The following ZKSCAN1 variants were observed in gnomAD, a reference collection of about 807,000 sequenced individuals.
ZKSCAN1 encodes zinc finger with KRAB and SCAN domains 1, also known as zinc finger protein with KRAB and SCAN domains 1.
Under a neutral mutation model 51.6 loss-of-function variants are expected in ZKSCAN1, and 14 were observed. The ratio of observed to expected loss-of-function variants is 0.27; its 90% confidence interval spans 0.18 to 0.42. The LOEUF is 0.42. Ranked by LOEUF, ZKSCAN1 falls within the 10% of genes least tolerant of loss-of-function variation. ZKSCAN1 has a pLI of 1.00. For missense variants in ZKSCAN1, 531 were observed against 710.0 expected (o/e 0.75, Z 2.86); for synonymous variants, 263 against 261.5 (o/e 1.01, Z -0.06).
intron 1 of ZKSCAN1, 52 bp from the exon 2 acceptor site, chr7:100,023,367 C>A: frequency 1.0e-6 from 1 of 956,580 alleles, no homozygotes; most frequent in Non-Finnish European, 1.5e-6. Flanking sequence ...GTTAGCAGCA[C>A]AGATCACTTT....
downstream of ZKSCAN1, among the ~76,000 whole-genome samples, chr7:100,043,282 G>C (rs928027689): frequency 1.0e-4 from 15 of 148,484 alleles, no homozygotes; most frequent in African/African-American, 3.8e-4. Context: ...GCCCAGGCTG[G>C]TCTCGAACTC....
chr7:100,023,996 A>T, intron 2 of ZKSCAN1, 64 bp downstream of exon 2: 1 of 1,524,246 alleles, frequency 6.6e-7, no homozygotes, highest in East Asian at 2.3e-5. Flanking sequence ...GAGCCAGGAG[A>T]AGTATTGGCA....
Position 100,034,403 on chromosome 7 carries a change from A to G in ZKSCAN1, c.*206A>G. On this transcript the variant is annotated 3_prime_UTR_variant, in exon 6 of 6. Coordinates refer to ENST00000324306, the MANE Select transcript of ZKSCAN1 (RefSeq NM_003439.4). ...CCTTCCACACAGCCCCTGCAGGGAA[A>G]GGCTAATCTTACGGATAATCCACGT... is the stretch of plus-strand genomic sequence containing the variant. The G allele has an allele frequency of 7.6e-7, 1 of 1,308,736 alleles. No individual in the cohort carries two copies. The highest frequency in any genetic ancestry group is 9.7e-7 in the Non-Finnish European group (1 of 1,034,542). 81.1% of individuals were successfully genotyped at this position (1,308,736 alleles called of 1,614,324 possible). A position where few individuals can be genotyped will look rare whatever the true frequency, so the allele number is the denominator to read the frequency against.
In ZKSCAN1 at chr7:100,040,871, ATCGCAGGGGT is replaced by A; in HGVS notation, c.*6677_*6686del. On this transcript the variant is annotated 3_prime_UTR_variant, in exon 6 of 6. Transcript: ENST00000324306. ...TGTTAGATTAGAGATGCTTCTGCTG[ATCGCAGGGGT>A]TCTTATTTGAAAACATCTATGATGG... 1.0e-6 allele frequency: 1 copy of A among 985,304 alleles called. No individual in the cohort carries two copies. The highest frequency in any genetic ancestry group is 1.2e-6 in the Non-Finnish European group (1 of 829,914). The allele number at this position is 985,304 out of a possible 1,614,324, so 61.0% of individuals were successfully genotyped here.
intron 3 of ZKSCAN1, among the ~76,000 whole-genome samples, chr7:100,026,686 C>T (rs1790850957): frequency 6.6e-6 from 1 of 151,556 alleles, no homozygotes; most frequent in Admixed American, 6.6e-5. Flanking sequence ...GATTGCACCA[C>T]TGCACTCCAG....
chr7:100,020,044 G>A (rs1264724348), intron 1 of ZKSCAN1, among the ~76,000 whole-genome samples: 1 of 152,194 alleles, frequency 6.6e-6, no homozygotes, highest in Non-Finnish European at 1.5e-5. Context: ...GTAGCTACCT[G>A]CTAAGATTGT....
chr7:100,031,430 A>G (rs1358841255), intron 5 of ZKSCAN1, among the ~76,000 whole-genome samples: 1 of 151,850 alleles, frequency 6.6e-6, no homozygotes, highest in Non-Finnish European at 1.5e-5. Context: ...GGCATGCATC[A>G]CCATGCCCAG....
At chr7:100,029,374 C>T (rs950584818) in intron 3 of ZKSCAN1, among the ~76,000 whole-genome samples, 8 of 152,114 alleles carry the variant, frequency 5.3e-5, no homozygotes, top group Non-Finnish European at 8.8e-5. Context: ...ATCCTCCCGC[C>T]TCACCTGCCA....
At position 100,041,325 on chromosome 7, in the gene ZKSCAN1, T is replaced by C. The variant is rs914341691; in HGVS notation, c.*7128T>C. The C allele has an allele frequency of 2.0e-6, 2 of 985,274 alleles. No individual in the cohort carries two copies. The highest frequency in any genetic ancestry group is 2.4e-6 in the Non-Finnish European group (2 of 829,794). 61.0% of individuals were successfully genotyped at this position (985,274 alleles called of 1,614,324 possible). On this transcript the variant is annotated 3_prime_UTR_variant, in exon 6 of 6. Transcript: ENST00000324306. ...CTTGGTAGATGTTCAATACGTGATTTTTTTTTTAATTGAATGTGTTCATTT... is the reference window on the plus strand; with the variant it reads ...CTTGGTAGATGTTCAATACGTGATTCTTTTTTTAATTGAATGTGTTCATTT...
Position 100,040,914 on chromosome 7 carries a change from G to A in ZKSCAN1, c.*6717G>A. ...TGAAAACATCTATGATGGGGGTGGGGTGGGAGGAGACAGGTTGTGGTTATG... is the reference window on the plus strand; with the variant it reads ...TGAAAACATCTATGATGGGGGTGGGATGGGAGGAGACAGGTTGTGGTTATG... On this transcript the variant is annotated 3_prime_UTR_variant, in exon 6 of 6. Coordinates refer to ENST00000324306, the MANE Select transcript of ZKSCAN1 (RefSeq NM_003439.4). 2 of 985,332 alleles carry A rather than the reference G, an allele frequency of 2.0e-6. No individual in the cohort carries two copies. The highest frequency in any genetic ancestry group is 2.4e-6 in the Non-Finnish European group (2 of 829,916). 61.0% of individuals were successfully genotyped at this position (985,332 alleles called of 1,614,324 possible).
In ZKSCAN1 at chr7:100,040,150, A is replaced by G. The variant is rs992122760; in HGVS notation, c.*5953A>G. 3.0e-6 allele frequency: 3 copies of G among 985,148 alleles called. No individual in the cohort carries two copies. The highest frequency in any genetic ancestry group is 4.7e-5 in the South Asian group (1 of 21,280). 61.0% of individuals were successfully genotyped at this position (985,148 alleles called of 1,614,324 possible). On this transcript the variant is annotated 3_prime_UTR_variant, in exon 6 of 6. Coordinates refer to ENST00000324306, the MANE Select transcript of ZKSCAN1 (RefSeq NM_003439.4). The stretch of plus-strand genomic sequence containing the variant: ...CATCTCCAACTCTGCAGGTCAAACG[A>G]AAGTTTGGGAAATACTTTTGACATC...
At chr7:100,044,986 CT>C, downstream of ZKSCAN1, 1 of 985,088 alleles carries the variant, frequency 1.0e-6, no homozygotes, top group Non-Finnish European at 1.2e-6. Context: ...AGAAATGCAC[CT>C]TTTTAGAGAG....
chr7:100,035,744 C>T lies in ZKSCAN1; in HGVS notation c.*1547C>T. 2.9e-6 allele frequency: 2 copies of T among 700,890 alleles called. No homozygotes were observed. The highest frequency in any genetic ancestry group is 3.5e-6 in the Non-Finnish European group (2 of 570,226). The allele number at this position is 700,890 out of a possible 1,614,324, so 43.4% of individuals were successfully genotyped here. A position where few individuals can be genotyped will look rare whatever the true frequency, so the allele number is the denominator to read the frequency against. On this transcript the variant is annotated 3_prime_UTR_variant, in exon 6 of 6. Coordinates refer to ENST00000324306, the MANE Select transcript of ZKSCAN1 (RefSeq NM_003439.4). ...ACAGTGACTTTTCTGTTTCTTATCACTAAAGACTGAGGTGAGGTTATGAAA... is the reference window on the plus strand; with the variant it reads ...ACAGTGACTTTTCTGTTTCTTATCATTAAAGACTGAGGTGAGGTTATGAAA...
chr7:100,018,117 A>T (rs1308431391), intron 1 of ZKSCAN1, among the ~76,000 whole-genome samples: 1 of 152,218 alleles, frequency 6.6e-6, no homozygotes, highest in Non-Finnish European at 1.5e-5. Context: ...AGAGAGGTTA[A>T]CTTGTTGACT....
rs538650215 is a variant in ZKSCAN1 at position 100,030,033 on chromosome 7, A to G, written c.672+81A>G. 96 of 1,499,354 alleles carry G rather than the reference A, an allele frequency of 6.4e-5. No individual in the cohort carries two copies. In the African/African-American group the frequency reaches 1.2e-3, roughly 19 times the overall value. 92.9% of individuals were successfully genotyped at this position (1,499,354 alleles called of 1,614,324 possible). A position where few individuals can be genotyped will look rare whatever the true frequency, so the allele number is the denominator to read the frequency against. On this transcript the variant is annotated intron_variant, in intron 4 of 5. Transcript: ENST00000324306. ...GCTCTCTTCATTATCTCCACAGGCC[A>G]CTCTGGATGCCCCTGCTCTCAAAGA...
At position 100,035,826 on chromosome 7, in the gene ZKSCAN1, G is replaced by A; in HGVS notation, c.*1629G>A. The A allele has an allele frequency of 1.0e-6, 1 of 985,348 alleles. No individual in the cohort carries two copies. 61.0% of individuals were successfully genotyped at this position (985,348 alleles called of 1,614,324 possible). On this transcript the variant is annotated 3_prime_UTR_variant, in exon 6 of 6. Transcript: ENST00000324306. ...GCAACTGGCTACCTAGAAGCTGATG[G>A]CAGGAGACTGTTTCACACACAGGAG...
intron 1 of ZKSCAN1, among the ~76,000 whole-genome samples, chr7:100,018,278 G>A (rs1046990952): frequency 6.6e-6 from 1 of 152,156 alleles, no homozygotes; most frequent in African/African-American, 2.4e-5. Flanking sequence ...TCAGTCAAGT[G>A]TATTTTTGAA....
intron 5 of ZKSCAN1, among the ~76,000 whole-genome samples, chr7:100,031,305 G>T (rs1458488830): frequency 8.0e-6 from 1 of 124,744 alleles, no homozygotes; most frequent in Non-Finnish European, 1.6e-5. Flanking sequence ...TTTGAGACAG[G>T]GTCTTGCTGT....
At chr7:100,020,482 G>C (rs1044300715) in intron 1 of ZKSCAN1, among the ~76,000 whole-genome samples, 6 of 152,014 alleles carry the variant, frequency 3.9e-5, no homozygotes, top group Non-Finnish European at 8.8e-5. Context: ...GGGAACCAAA[G>C]AAAGGAAGCT....
Sources: gnomAD v4.1 joint callset for allele counts (sites outside exome capture counted in the v4.1 genomes callset) on GRCh38, gnomAD v4.1.1 for gene constraint, MANE v1.5 for transcripts, NCBI Gene and HGNC (gene_info 2026-07-23, HGNC 2026-07-21) for gene names.